PAQR5: variants seen among roughly 807,000 people sequenced by gnomAD.
The protein encoded by PAQR5 is membrane progestin receptor gamma.
PAQR5 carries 20 observed loss-of-function variants against 34.5 expected under a neutral mutation model. That is an observed-to-expected ratio of 0.58 (90% CI 0.41 to 0.84). The LOEUF (loss-of-function observed/expected upper bound fraction) is 0.84, where lower values mean the gene tolerates loss of function less well. Among genes scored for constraint, PAQR5 ranks in the 40% least tolerant of loss-of-function variants. PAQR5 has a pLI of 0.00. For missense variants in PAQR5, 378 were observed against 412.7 expected (o/e 0.92, Z 0.73); for synonymous variants, 131 against 155.6 (o/e 0.84, Z 1.18).
At chr15:69,329,568 T>C (rs2054334192) in intron 1 of PAQR5, among the ~76,000 whole-genome samples, 1 of 139,792 alleles carries the variant, frequency 7.2e-6, no homozygotes, top group African/African-American at 2.6e-5. Flanking sequence ...CACTGCAACC[T>C]CTGCCTCCCA....
chr15:69,388,805 C>A (rs1447187833), intron 5 of PAQR5, among the ~76,000 whole-genome samples: 1 of 152,236 alleles, frequency 6.6e-6, no homozygotes, highest in African/African-American at 2.4e-5. Context: ...AGCTAGGACT[C>A]CACAATTCCT....
chr15:69,317,323 T>C (rs7170755), intron 1 of PAQR5, among the ~76,000 whole-genome samples: 143,044 of 152,156 alleles, frequency 0.94, 67,545 homozygotes, highest in Non-Finnish European at 0.99. Flanking sequence ...CCAGGCTCCC[T>C]CACCCCATCT....
rs952560922 is a variant in PAQR5, at chr15:69,405,276, G to A, written c.*1454G>A. ...TGCAGGATCCTCTTTGCTGACTCAGGAATACTCCATATTTTAGACTACTGC... is the reference window on the plus strand; with the variant it reads ...TGCAGGATCCTCTTTGCTGACTCAGAAATACTCCATATTTTAGACTACTGC... On this transcript the variant is annotated 3_prime_UTR_variant, in exon 9 of 9. Coordinates refer to ENST00000395407, the MANE Select transcript of PAQR5 (RefSeq NM_017705.4). 6.2e-6 allele frequency: 2 copies of A among 323,304 alleles called. No homozygotes were observed. The highest frequency in any genetic ancestry group is 4.3e-5 in the African/African-American group (2 of 46,908). The allele number at this position is 323,304 out of a possible 1,614,324, so 20.0% of individuals were successfully genotyped here.
chr15:69,368,155 A>G (rs1910696), intron 3 of PAQR5, among the ~76,000 whole-genome samples: 152,001 of 152,296 alleles, frequency 1, 75,853 homozygotes, highest in Middle Eastern at 1. Flanking sequence ...CCAGGTTCAA[A>G]CAATTCTCCT....
chr15:69,306,469 C>T (rs754984974), intron 1 of PAQR5, among the ~76,000 whole-genome samples: 4 of 139,478 alleles, frequency 2.9e-5, no homozygotes, highest in Non-Finnish European at 6.1e-5. Flanking sequence ...TGGAGTGCAA[C>T]GGCACCATCT....
chr15:69,338,009 A>C (rs2054550920), intron 2 of PAQR5, among the ~76,000 whole-genome samples: 1 of 152,150 alleles, frequency 6.6e-6, no homozygotes, highest in Non-Finnish European at 1.5e-5. Flanking sequence ...CCCAGGAGGC[A>C]GAGGCTGCAG....
At position 69,404,865 on chromosome 15, in the gene PAQR5, A is replaced by G. The variant is rs1409508834; in HGVS notation, c.*1043A>G. The G allele has an allele frequency of 4.8e-5, 19 of 398,076 alleles. No individual in the cohort carries two copies. The East Asian group carries it at 6.8e-4, about 14-fold the overall frequency. The allele number at this position is 398,076 out of a possible 1,614,324, so 24.7% of individuals were successfully genotyped here. On this transcript the variant is annotated 3_prime_UTR_variant, in exon 9 of 9. Coordinates refer to ENST00000395407, the MANE Select transcript of PAQR5 (RefSeq NM_017705.4). Reference sequence around the variant, plus strand: ...GAAAACCAGGGGGTTCTGCTTCACTAGGTTAAATGTAGGTTTTGTAGAGGA... The same window carrying G: ...GAAAACCAGGGGGTTCTGCTTCACTGGGTTAAATGTAGGTTTTGTAGAGGA...
intron 3 of PAQR5, among the ~76,000 whole-genome samples, chr15:69,371,148 GTTTTGTTTCTTAAATTA>G (rs1441443242): frequency 2.0e-5 from 3 of 152,044 alleles, no homozygotes; most frequent in Non-Finnish European, 2.9e-5. Context: ...GTAGTTCTTA[GTTTTGTTTCTTAAATTA>G]ATTTCATTTA....
intron 6 of PAQR5, among the ~76,000 whole-genome samples, 177 bp downstream of exon 6, chr15:69,389,957 C>T (rs897030108): frequency 2.2e-4 from 33 of 152,206 alleles, no homozygotes; most frequent in Non-Finnish European, 1.0e-4. Context: ...GGCACGCAAG[C>T]TCCAGGCCTC....
At chr15:69,320,451 C>T (rs996128399) in intron 1 of PAQR5, among the ~76,000 whole-genome samples, 1 of 47,948 alleles carries the variant, frequency 2.1e-5, no homozygotes, top group African/African-American at 3.4e-5. Context: ...AGGTGCCTAG[C>T]ATCCCCTTCC....
chr15:69,381,033 G>A (rs2055870942), intron 4 of PAQR5, among the ~76,000 whole-genome samples: 1 of 152,222 alleles, frequency 6.6e-6, no homozygotes, highest in African/African-American at 2.4e-5. Context: ...TCAGTGGAGA[G>A]GGGAGAGAGC....
intron 1 of PAQR5, among the ~76,000 whole-genome samples, chr15:69,300,613 CTTTCTT>C (rs1566985174): frequency 3.9e-5 from 2 of 51,000 alleles, no homozygotes; most frequent in African/African-American, 1.3e-4. Context: ...TTCTTTCTTT[CTTTCTT>C]TCTTTCTTTC....
At chr15:69,380,519 C>T (rs1319490180) in intron 4 of PAQR5, among the ~76,000 whole-genome samples, 1 of 152,150 alleles carries the variant, frequency 6.6e-6, no homozygotes, top group Admixed American at 6.5e-5. Flanking sequence ...CTGGGAACCA[C>T]GACAACTGGG....
chr15:69,322,646 C>T lies in PAQR5; in HGVS notation c.-276-14695C>T, dbSNP rs1251496743. Among the ~76,000 whole-genome samples, 5 of 87,718 alleles carry T rather than the reference C, an allele frequency of 5.7e-5. No individual in the cohort carries two copies. In the Admixed American group the frequency reaches 6.1e-4, roughly 11 times the overall value. The allele number at this position is 87,718 out of a possible 152,430, so 57.5% of individuals were successfully genotyped here. A position where few individuals can be genotyped will look rare whatever the true frequency, so the allele number is the denominator to read the frequency against. ...CTCCAGGCTGGGTGACAGAGTGAGA[C>T]CCTGTCTCAAAAAAAAAAAAAAAAA... On this transcript the variant is annotated intron_variant, in intron 1 of 8. Transcript: ENST00000395407.
At chr15:69,317,346 G>A (rs1425294798) in intron 1 of PAQR5, among the ~76,000 whole-genome samples, 1 of 152,140 alleles carries the variant, frequency 6.6e-6, no homozygotes, top group African/African-American at 2.4e-5. Context: ...GCTCCCCACT[G>A]GCTGTGGGGC....
chr15:69,363,695 G>C (rs563090729), intron 3 of PAQR5, among the ~76,000 whole-genome samples: 19 of 151,904 alleles, frequency 1.3e-4, no homozygotes, highest in South Asian at 6.3e-4. Flanking sequence ...TGGGACTACA[G>C]GTGCACGCCA....
At chr15:69,323,615 A>G (rs1320230562) in intron 1 of PAQR5, among the ~76,000 whole-genome samples, 1 of 152,224 alleles carries the variant, frequency 6.6e-6, no homozygotes, top group Non-Finnish European at 1.5e-5. Flanking sequence ...GGACTCATTC[A>G]TTTATTTTCT....
At chr15:69,344,985 T>C (rs1300463436) in intron 2 of PAQR5, among the ~76,000 whole-genome samples, 2 of 152,164 alleles carry the variant, frequency 1.3e-5, no homozygotes, top group Non-Finnish European at 2.9e-5. Flanking sequence ...TACTAGCTAC[T>C]TGGGAGGCTG....
chr15:69,397,081 G>T (rs929700416), intron 6 of PAQR5: 8 of 434,498 alleles, frequency 1.8e-5, no homozygotes, highest in African/African-American at 1.6e-4. Flanking sequence ...CCCCCCAAGA[G>T]TCTGTGGCAG....
Sources: gnomAD v4.1 joint callset for allele counts (sites outside exome capture counted in the v4.1 genomes callset) on GRCh38, gnomAD v4.1.1 for gene constraint, MANE v1.5 for transcripts, NCBI Gene and HGNC (gene_info 2026-07-23, HGNC 2026-07-21) for gene names.